CENPP: variants seen among roughly 807,000 people sequenced by gnomAD.
The protein encoded by CENPP is centromere protein P.
CENPP carries 24 observed loss-of-function variants against 35.6 expected under a neutral mutation model. That is an observed-to-expected ratio of 0.67 (90% confidence interval 0.49 to 0.95). The LOEUF is 0.95. Among genes scored for constraint, CENPP ranks in the 40% least tolerant of loss-of-function variants. The pLI is 0.00. For synonymous variants in CENPP, 120 were observed against 125.5 expected, an observed-to-expected ratio of 0.96 and a Z score of 0.29; for missense variants, 332 against 345.3, an observed-to-expected ratio of 0.96 and a Z score of 0.31.
At chr9:92,436,632 A>G (rs1844252097) in intron 5 of CENPP, among the ~76,000 whole-genome samples, 1 of 152,156 alleles carries the variant, frequency 6.6e-6, no homozygotes, top group Admixed American at 6.5e-5. Context: ...TCATTTGTTT[A>G]AAAGACTGTC....
chr9:92,378,356 T>G (rs1842169747), intron 4 of CENPP, among the ~76,000 whole-genome samples: 1 of 152,160 alleles, frequency 6.6e-6, no homozygotes, highest in Admixed American at 6.5e-5. Flanking sequence ...TGGTCTTTCC[T>G]GGGGCCTTTT....
chr9:92,535,093 T>C (rs113655600), intron 5 of CENPP, among the ~76,000 whole-genome samples: 4 of 149,958 alleles, frequency 2.7e-5, no homozygotes, highest in Non-Finnish European at 6.0e-5. Context: ...TACCTCTCTT[T>C]CTTTTTTTCC....
intron 4 of CENPP, among the ~76,000 whole-genome samples, chr9:92,366,506 A>C (rs902523277): frequency 6.6e-6 from 1 of 152,218 alleles, no homozygotes; most frequent in Non-Finnish European, 1.5e-5. Context: ...CTCCTTTAGT[A>C]AGTATATGTG....
At chr9:92,439,140 C>G (rs912819458) in intron 5 of CENPP, among the ~76,000 whole-genome samples, 2 of 151,936 alleles carry the variant, frequency 1.3e-5, no homozygotes, top group Admixed American at 1.3e-4. Context: ...TTTTGTTTTC[C>G]CAAGTATTTT....
chr9:92,549,779 A>ATAGTGC (rs1207630777), intron 5 of CENPP, among the ~76,000 whole-genome samples: 1 of 152,182 alleles, frequency 6.6e-6, no homozygotes, highest in Non-Finnish European at 1.5e-5. Context: ...CCTCCCTAAG[A>ATAGTGC]TAGTGCTGTT....
intron 5 of CENPP, chr9:92,393,206 AG>A (rs777222129): frequency 6.2e-7 from 1 of 1,610,222 alleles, no homozygotes; most frequent in East Asian, 2.2e-5. Context: ...CAGTATACAG[AG>A]CCACTTAAAC....
chr9:92,365,828 TAGAAA>T (rs890519497), intron 4 of CENPP, among the ~76,000 whole-genome samples: 7 of 152,126 alleles, frequency 4.6e-5, no homozygotes, highest in African/African-American at 1.7e-4. Context: ...AGCATTGAAT[TAGAAA>T]AGGTGTTTAA....
At chr9:92,575,292 C>A (rs1402845962) in intron 5 of CENPP, among the ~76,000 whole-genome samples, 33 of 151,974 alleles carry the variant, frequency 2.2e-4, no homozygotes, top group Admixed American at 2.2e-3. Flanking sequence ...CAAAATTTTG[C>A]AAATCATGTA....
In CENPP at chr9:92,564,276, C is replaced by T. The variant is rs1411999534; in HGVS notation, c.565-47038C>T. 3.9e-5 allele frequency among the ~76,000 whole-genome samples: 6 copies of T among 152,174 alleles called. No individual in the cohort carries two copies. In the East Asian group the frequency reaches 1.2e-3, roughly 29 times the overall value. ...TGATGGCGCACACCTGTAATCCCAG[C>T]TGCTCGGGCGGCTGAGGCACAAGAA... On this transcript the variant is annotated intron_variant, in intron 5 of 7. Coordinates refer to ENST00000375587, the MANE Select transcript of CENPP (RefSeq NM_001012267.3).
chr9:92,453,227 G>A (rs1422261698), intron 5 of CENPP, among the ~76,000 whole-genome samples: 3 of 151,836 alleles, frequency 2.0e-5, no homozygotes, highest in Admixed American at 2.0e-4. Context: ...GCTTTCTCTT[G>A]TGGGCATTTA....
At chr9:92,425,782 A>T (rs1480777385) in intron 5 of CENPP, among the ~76,000 whole-genome samples, 2 of 152,234 alleles carry the variant, frequency 1.3e-5, no homozygotes, top group African/African-American at 4.8e-5. Flanking sequence ...TTTAGCCAAG[A>T]TTCCATCTTG....
At position 92,417,627 on chromosome 9, in the gene CENPP, A is replaced by G. The variant is rs569111482; in HGVS notation, c.564+37768A>G. 289 of 898,206 alleles carry G rather than the reference A, an allele frequency of 3.2e-4. No homozygotes were observed. The African/African-American group carries it at 4.2e-3, about 13-fold the overall frequency. 55.6% of individuals were successfully genotyped at this position (898,206 alleles called of 1,614,324 possible). A position where few individuals can be genotyped will look rare whatever the true frequency, so the allele number is the denominator to read the frequency against. On this transcript the variant is annotated intron_variant, in intron 5 of 7. Transcript: ENST00000375587. The stretch of plus-strand genomic sequence containing the variant: ...TGGAGAAAGTGAGTAAACTCAGAAT[A>G]CGCTTTGTATAAATTCTCAGTTATA...
intron 4 of CENPP, among the ~76,000 whole-genome samples, chr9:92,358,866 A>AT (rs1160549409): frequency 1.4e-5 from 2 of 143,118 alleles, no homozygotes; most frequent in African/African-American, 5.2e-5. Flanking sequence ...CTACCATCAG[A>AT]TTTTTTTTCA....
Position 92,353,480 on chromosome 9 carries a change from G to A in CENPP, c.467+7693G>A, listed in dbSNP as rs560733008. On this transcript the variant is annotated intron_variant, in intron 4 of 7. Transcript: ENST00000375587. ...ACAGGGCTTGGTAATACTAAGAGAA[G>A]CCGTAATGAATCTCTGCTATTCCAT... Among the ~76,000 whole-genome samples the A allele has an allele frequency of 2.2e-4, 33 of 152,312 alleles. No homozygotes were observed. The South Asian group carries it at 6.6e-3, about 31-fold the overall frequency.
At chr9:92,605,318 G>C (rs1006185433) in intron 5 of CENPP, among the ~76,000 whole-genome samples, 1 of 151,894 alleles carries the variant, frequency 6.6e-6, no homozygotes, top group African/African-American at 2.4e-5. Context: ...ATTCATTAGA[G>C]TAAATTTTCG....
intron 5 of CENPP, chr9:92,502,802 G>GTT: frequency 1.3e-5 from 5 of 384,736 alleles, no homozygotes; most frequent in Non-Finnish European, 1.6e-5. Context: ...TTTTTAAGTT[G>GTT]TCTTTTTTTT....
chr9:92,515,131 C>A, intron 5 of CENPP: 1 of 1,612,890 alleles, frequency 6.2e-7, no homozygotes. Context: ...GGTAGGTTCT[C>A]TTTGTTCTGA....
chr9:92,607,764 G>T (rs1247094355), intron 5 of CENPP, among the ~76,000 whole-genome samples: 1 of 152,158 alleles, frequency 6.6e-6, no homozygotes, highest in Non-Finnish European at 1.5e-5. Context: ...ATAATACAAG[G>T]TTGGTTTTCT....
chr9:92,568,320 G>A (rs1306004005), intron 5 of CENPP, among the ~76,000 whole-genome samples: 1 of 152,138 alleles, frequency 6.6e-6, no homozygotes, highest in Non-Finnish European at 1.5e-5. Context: ...CCACCTATGA[G>A]TGAGAACATG....
Sources: allele counts gnomAD v4.1 joint callset (sites outside exome capture counted in the v4.1 genomes callset), GRCh38; gene constraint gnomAD v4.1.1; transcripts MANE v1.5; gene names NCBI Gene and HGNC (gene_info 2026-07-23, HGNC 2026-07-21).